Variants in PLCB4 observed in about 807,000 individuals in gnomAD.
The protein encoded by PLCB4 is 1-phosphatidylinositol 4,5-bisphosphate phosphodiesterase beta-4.
A neutral mutation model predicts 178.8 loss-of-function variants in PLCB4; 77 were observed. The ratio of observed to expected loss-of-function variants is 0.43; its 90% confidence interval spans 0.36 to 0.52. The LOEUF is 0.52. PLCB4 is among the 20% of genes least tolerant of loss of function. The probability of loss-of-function intolerance (pLI) is 0.00; values close to 1 mark genes in which losing one functional copy is unlikely to be tolerated. For missense variants in PLCB4, 1,024 were observed against 1,453.4 expected (o/e 0.70, Z 4.80); for synonymous variants, 496 against 490.8 (o/e 1.01, Z -0.14).
intron 2 of PLCB4, among the ~76,000 whole-genome samples, chr20:9,137,235 G>A (rs1383557227): frequency 2.0e-5 from 3 of 152,068 alleles, no homozygotes; most frequent in Non-Finnish European, 4.4e-5. Flanking sequence ...CCCCGTTTGA[G>A]TGTTCCATCT....
At chr20:9,301,236 C>T (rs370567933) in intron 3 of PLCB4, among the ~76,000 whole-genome samples, 42 of 151,938 alleles carry the variant, frequency 2.8e-4, no homozygotes, top group East Asian at 2.3e-3. Context: ...GTAACATTCG[C>T]GAGTTGCAGC....
At chr20:9,468,479 CTTTCTCAT>C in intron 35 of PLCB4, 84 bp from the exon 36 acceptor site, 2 of 776,692 alleles carry the variant, frequency 2.6e-6, no homozygotes, top group Non-Finnish European at 4.5e-6. Context: ...ACCTCTAGAA[CTTTCTCAT>C]TTTCCCCAGG....
intron 1 of PLCB4, among the ~76,000 whole-genome samples, chr20:9,083,398 G>A (rs147039565): frequency 6.6e-6 from 1 of 151,212 alleles, no homozygotes; most frequent in East Asian, 1.9e-4. Context: ...CACACACACC[G>A]CAGGTGCTTG....
At position 9,473,150 on chromosome 20, in the gene PLCB4, T is replaced by A. The variant is rs2044297174; in HGVS notation, c.3409-129T>A. 3 of 587,738 alleles carry A rather than the reference T, an allele frequency of 5.1e-6. No individual in the cohort carries two copies. The South Asian group carries it at 8.6e-5, about 17-fold the overall frequency. The allele number at this position is 587,738 out of a possible 1,614,324, so 36.4% of individuals were successfully genotyped here. On this transcript the variant is annotated intron_variant, in intron 37 of 39. Coordinates refer to ENST00000378473, the MANE Select transcript of PLCB4 (RefSeq NM_001377142.1). The stretch of plus-strand genomic sequence containing the variant: ...ATTATGAGTTTAAACTCTCCAAATT[T>A]TGAGATGATTTTTTAAAAAATTATT...
In PLCB4 at chr20:9,409,099, C is replaced by G; in HGVS notation, c.1917C>G (p.Gly639=). ...TGAGTCGCATTTACCCCAAGGGAGG[C>G]CGAGTCGATTCCAGTAATTACATGC... ...RQMSRIYPKG[G]RVDSSNYMPQ... Residue 639 remains glycine, a synonymous_variant, in exon 24 of 40, where the codon GGC becomes GGG. Coordinates refer to ENST00000378473, the MANE Select transcript of PLCB4 (RefSeq NM_001377142.1). 1 of 1,606,800 alleles carries G rather than the reference C, an allele frequency of 6.2e-7. No homozygotes were observed. Among genetic ancestry groups the G allele is most frequent in the Non-Finnish European group, 8.5e-7 (1 of 1,178,168 alleles).
rs577213694 is a variant in PLCB4, at chr20:9,106,510, C to T, written c.-79+10168C>T. On this transcript the variant is annotated intron_variant, in intron 2 of 39. Coordinates refer to ENST00000378473, the MANE Select transcript of PLCB4 (RefSeq NM_001377142.1). Reference sequence around the variant, plus strand: ...CCAGAAATCAAAAATCACAGATATTCGGAATAAAATATCAAATATGACACA... The same window carrying T: ...CCAGAAATCAAAAATCACAGATATTTGGAATAAAATATCAAATATGACACA... Among the ~76,000 whole-genome samples, 137 of 151,354 alleles carry T rather than the reference C, an allele frequency of 9.1e-4. 1 individual carries two copies. The highest frequency in any genetic ancestry group is 3.4e-3 in the Middle Eastern group (1 of 290).
intron 2 of PLCB4, among the ~76,000 whole-genome samples, chr20:9,120,843 C>T (rs2091941771): frequency 6.6e-6 from 1 of 152,174 alleles, no homozygotes; most frequent in South Asian, 2.1e-4. Context: ...ATCTGCCTTC[C>T]CTGAACTGAA....
chr20:9,075,032 T>C (rs2089780908), intron 1 of PLCB4, among the ~76,000 whole-genome samples: 1 of 152,124 alleles, frequency 6.6e-6, no homozygotes, highest in Non-Finnish European at 1.5e-5. Flanking sequence ...CAGACATTTG[T>C]TGAGCAGTTA....
At chr20:9,459,199 C>T (rs1267127620) in intron 34 of PLCB4, among the ~76,000 whole-genome samples, 1 of 152,106 alleles carries the variant, frequency 6.6e-6, no homozygotes, top group Non-Finnish European at 1.5e-5. Flanking sequence ...CAAAAATTAG[C>T]TGGGCATGGT....
intron 2 of PLCB4, among the ~76,000 whole-genome samples, chr20:9,113,819 G>A (rs1286551288): frequency 6.6e-6 from 1 of 152,104 alleles, no homozygotes. Context: ...TTAATAGAAT[G>A]CCAAACAAAT....
In PLCB4 at chr20:9,158,608, T is replaced by C. The variant is rs143243743; in HGVS notation, c.-78-58782T>C. On this transcript the variant is annotated intron_variant, in intron 2 of 39. Transcript: ENST00000378473. Reference sequence around the variant, plus strand: ...TTTTTTTTTTAACCGTACAAAACAGTATTTAAAAGAGAAACCTTACACCTC... The same window carrying C: ...TTTTTTTTTTAACCGTACAAAACAGCATTTAAAAGAGAAACCTTACACCTC... 7.8e-3 allele frequency among the ~76,000 whole-genome samples: 1,179 copies of C among 151,658 alleles called. 14 individuals carry two copies. The highest frequency in any genetic ancestry group is 0.027 in the African/African-American group (1,122 of 41,320).
intron 7 of PLCB4, among the ~76,000 whole-genome samples, chr20:9,352,645 A>C (rs1325035432): frequency 6.6e-6 from 1 of 152,216 alleles, no homozygotes; most frequent in Non-Finnish European, 1.5e-5. Flanking sequence ...GACTAAATTA[A>C]TTTTGTCTAG....
intron 4 of PLCB4, among the ~76,000 whole-genome samples, chr20:9,316,542 A>G (rs1372221342): frequency 1.3e-5 from 2 of 152,192 alleles, no homozygotes; most frequent in Non-Finnish European, 2.9e-5. Flanking sequence ...CCTTTTCCTG[A>G]CTATGTCTCC....
intron 18 of PLCB4, among the ~76,000 whole-genome samples, chr20:9,394,038 C>T (rs566784463): frequency 6.6e-5 from 10 of 152,150 alleles, no homozygotes; most frequent in South Asian, 2.1e-4. Flanking sequence ...CAGTTTGCCC[C>T]GTGCTCTATA....
chr20:9,147,366 C>T (rs962292661), intron 2 of PLCB4, among the ~76,000 whole-genome samples: 2 of 152,068 alleles, frequency 1.3e-5, no homozygotes, highest in African/African-American at 2.4e-5. Context: ...AATATGTATC[C>T]GTTTCCTTTT....
At chr20:9,111,126 G>C (rs956091660) in intron 2 of PLCB4, among the ~76,000 whole-genome samples, 5 of 152,112 alleles carry the variant, frequency 3.3e-5, no homozygotes, top group Non-Finnish European at 7.4e-5. Context: ...ACTTAGATTT[G>C]TCACAGACAC....
chr20:9,294,065 A>G (rs1228546263), intron 3 of PLCB4, among the ~76,000 whole-genome samples: 1 of 152,154 alleles, frequency 6.6e-6, no homozygotes, highest in Non-Finnish European at 1.5e-5. Context: ...GTTTTAACAT[A>G]ATCTTTCTCC....
chr20:9,384,084 G>A (rs1368834645), intron 13 of PLCB4, 117 bp from the exon 14 acceptor site: 1 of 723,990 alleles, frequency 1.4e-6, no homozygotes, highest in African/African-American at 1.8e-5. Context: ...TCTTGGGAAA[G>A]AGACTGTGAA....
chr20:9,158,154 T>C (rs1401077545), intron 2 of PLCB4, among the ~76,000 whole-genome samples: 1 of 152,212 alleles, frequency 6.6e-6, no homozygotes, highest in Non-Finnish European at 1.5e-5. Context: ...CAGGCTATTA[T>C]AATCACTACA....
Sources: allele counts gnomAD v4.1 joint callset (sites outside exome capture counted in the v4.1 genomes callset), GRCh38; gene constraint gnomAD v4.1.1; transcripts MANE v1.5; gene names NCBI Gene and HGNC (gene_info 2026-07-23, HGNC 2026-07-21).